Variants in MECR observed in about 807,000 individuals in gnomAD.
MECR encodes the protein enoyl-[acyl-carrier-protein] reductase, mitochondrial.
Under a neutral mutation model 49.1 loss-of-function variants are expected in MECR, and 37 were observed. The ratio of observed to expected loss-of-function variants is 0.75; its 90% CI spans 0.58 to 0.99. The LOEUF (loss-of-function observed/expected upper bound fraction) is 0.99. Ranked by LOEUF, MECR falls within the 50% of genes least tolerant of loss-of-function variation. MECR has a pLI of 0.00. For synonymous variants in MECR, 198 were observed against 191.1 expected (o/e 1.04, Z -0.30); for missense variants, 470 against 479.6 (o/e 0.98, Z 0.19).
intron 3 of MECR, among the ~76,000 whole-genome samples, chr1:29,212,190 G>A (rs996738240): frequency 7.2e-5 from 11 of 152,182 alleles, no homozygotes; most frequent in South Asian, 2.1e-4. Context: ...AGGCCGAGGC[G>A]GGCAGATCAC....
At chr1:29,203,530 A>C (rs1026863849) in intron 4 of MECR, among the ~76,000 whole-genome samples, 2 of 152,072 alleles carry the variant, frequency 1.3e-5, no homozygotes, top group African/African-American at 4.8e-5. Flanking sequence ...CATCCTCCCA[A>C]CTTTTATGTC....
chr1:29,205,453 G>C (rs1676341314), intron 4 of MECR, among the ~76,000 whole-genome samples: 1 of 151,658 alleles, frequency 6.6e-6, no homozygotes, highest in Non-Finnish European at 1.5e-5. Context: ...CAAAGTGCTG[G>C]GATTACAGGC....
the MECR span, among the ~76,000 whole-genome samples, chr1:29,174,333 T>C: frequency 6.6e-6 from 1 of 152,246 alleles, no homozygotes; most frequent in Non-Finnish European, 1.5e-5. Flanking sequence ...CAAAGTCTAC[T>C]TGCAGGAATC....
Position 29,193,637 on chromosome 1 carries a change from G to C in MECR, c.*385C>G. On this transcript the variant is annotated 3_prime_UTR_variant, in exon 10 of 10. Coordinates refer to ENST00000263702, the MANE Select transcript of MECR (RefSeq NM_016011.5). ...TCGTCTGTGGGCTTGTGCAGCTTGG[G>C]GCCAGGGATGGTGGCCTACTGGCCT... The C allele has an allele frequency of 5.0e-6, 1 of 200,080 alleles. No homozygotes were observed. Among genetic ancestry groups the C allele is most frequent in the Non-Finnish European group, 1.0e-5 (1 of 96,574 alleles). 12.4% of individuals were successfully genotyped at this position (200,080 alleles called of 1,614,324 possible).
chr1:29,181,776 G>A, the MECR span: 2 of 1,551,086 alleles, frequency 1.3e-6, no homozygotes, highest in Admixed American at 1.9e-5. Flanking sequence ...GTGATGGCTG[G>A]CCCCGGCCCC....
rs757822228 is a variant in MECR at position 29,202,058 on chromosome 1, C to A, written c.654-13G>T. 1 of 1,610,822 alleles carries A rather than the reference C, an allele frequency of 6.2e-7. No individual in the cohort carries two copies. Among genetic ancestry groups the A allele is most frequent in the African/African-American group, 1.3e-5 (1 of 74,966 alleles). On this transcript the variant is annotated splice_polypyrimidine_tract_variant and intron_variant, in intron 5 of 9. Transcript: ENST00000263702. ...CTGGATATCAGGTCTGGAAACCAAA[C>A]ATAGGTCCCTGGTCACATCTGCCAG...
chr1:29,230,929 C>G lies in MECR; in HGVS notation c.-23G>C, dbSNP rs1446959534. ...CATGCTCGCTCCAACCAACACAGAG[C>G]CTGACGCCCCGGCTACGTCATCTTC... On this transcript the variant is annotated 5_prime_UTR_variant, in exon 1 of 10. Coordinates refer to ENST00000263702, the MANE Select transcript of MECR (RefSeq NM_016011.5). 1 of 1,560,850 alleles carries G rather than the reference C, an allele frequency of 6.4e-7. No homozygotes were observed. Among genetic ancestry groups the G allele is most frequent in the Admixed American group, 2.0e-5 (1 of 49,290 alleles).
the MECR span, among the ~76,000 whole-genome samples, chr1:29,180,740 T>A: frequency 1.3e-5 from 2 of 152,230 alleles, no homozygotes; most frequent in African/African-American, 4.8e-5. Flanking sequence ...CGTTGAGTAT[T>A]TTCTCCAGGC....
chr1:29,225,609 T>C (rs1279781777), intron 1 of MECR, among the ~76,000 whole-genome samples: 1 of 152,128 alleles, frequency 6.6e-6, no homozygotes, highest in African/African-American at 2.4e-5. Flanking sequence ...TCTCAAAGAA[T>C]ACATGCTGGC....
chr1:29,189,591 C>T (rs181218714), downstream of MECR, among the ~76,000 whole-genome samples: 60 of 152,300 alleles, frequency 3.9e-4, no homozygotes, highest in African/African-American at 1.4e-3. Context: ...TCTCTTTTGG[C>T]ACTGTTTCCT....
intron 3 of MECR, among the ~76,000 whole-genome samples, chr1:29,210,012 CTTT>C (rs11364584): frequency 9.9e-5 from 14 of 141,356 alleles, no homozygotes; most frequent in Admixed American, 2.8e-4. Context: ...GGCAGGAACA[CTTT>C]TTTTTTTTTT....
intron 7 of MECR, among the ~76,000 whole-genome samples, chr1:29,199,902 C>T (rs921447118): frequency 1.3e-5 from 2 of 151,724 alleles, no homozygotes; most frequent in Non-Finnish European, 2.9e-5. Context: ...ACCACTATGC[C>T]TGGCCAGGTA....
At chr1:29,180,147 G>A in the MECR span, among the ~76,000 whole-genome samples, 8 of 152,262 alleles carry the variant, frequency 5.3e-5, no homozygotes, top group South Asian at 1.2e-3. Context: ...TTGCCCATAC[G>A]TAGTAAGTGG....
At chr1:29,190,767 T>C (rs1168565504), downstream of MECR, among the ~76,000 whole-genome samples, 1 of 139,536 alleles carries the variant, frequency 7.2e-6, no homozygotes, top group Non-Finnish European at 1.5e-5. Flanking sequence ...CCAACGTAGG[T>C]GACAGAGCAA....
chr1:29,220,791 G>A (rs763609835), intron 1 of MECR: 29 of 482,474 alleles, frequency 6.0e-5, no homozygotes, highest in African/African-American at 1.5e-4. Context: ...CTCAGTTCAC[G>A]GGATTAAATG....
intron 3 of MECR, among the ~76,000 whole-genome samples, chr1:29,211,094 T>TG (rs1380124597): frequency 6.6e-6 from 1 of 151,146 alleles, no homozygotes; most frequent in African/African-American, 2.4e-5. Flanking sequence ...AAGGGTTTTT[T>TG]TTTTTTTTGT....
At chr1:29,208,519 T>C (rs1463718117) in intron 3 of MECR, among the ~76,000 whole-genome samples, 7 of 152,164 alleles carry the variant, frequency 4.6e-5, no homozygotes, top group Non-Finnish European at 8.8e-5. Flanking sequence ...TTGAAAGAAA[T>C]GAGCATCAAC....
chr1:29,176,763 G>A, the MECR span, among the ~76,000 whole-genome samples: 1 of 152,074 alleles, frequency 6.6e-6, no homozygotes, highest in Admixed American at 6.6e-5. Context: ...CATTAAACAA[G>A]GGCGAAAACA....
intron 3 of MECR, 48 bp from the exon 4 acceptor site, chr1:29,206,953 C>CCGAG: frequency 6.2e-7 from 1 of 1,603,694 alleles, no homozygotes; most frequent in Admixed American, 1.7e-5. Context: ...GCCCTGTGCA[C>CCGAG]ATTCAACCCC....
Sources: allele counts gnomAD v4.1 joint callset (sites outside exome capture counted in the v4.1 genomes callset), GRCh38; gene constraint gnomAD v4.1.1; transcripts MANE v1.5; gene names NCBI Gene and HGNC (gene_info 2026-07-23, HGNC 2026-07-21).